The following CACNA1S variants were observed in gnomAD, a reference collection of about 807,000 sequenced individuals.
The protein encoded by CACNA1S is voltage-dependent L-type calcium channel subunit alpha-1S.
In CACNA1S, 126 loss-of-function variants were observed where a neutral mutation model predicts 207.4. The observed-to-expected ratio is 0.61, with a 90% CI of 0.53 to 0.70. The LOEUF (loss-of-function observed/expected upper bound fraction) is 0.70. Ranked by LOEUF, CACNA1S falls within the 30% of genes least tolerant of loss-of-function variation. The probability of loss-of-function intolerance (pLI) is 0.00; values close to 1 mark genes in which losing one functional copy is unlikely to be tolerated. For synonymous variants in CACNA1S, 960 were observed against 932.7 expected (o/e 1.03, Z -0.53); for missense variants, 2,349 against 2,422.8 (o/e 0.97, Z 0.64).
Position 201,061,462 on chromosome 1 carries a change from C to T in CACNA1S, c.3060G>A (p.Leu1020=). 1.2e-6 allele frequency: 2 copies of T among 1,613,848 alleles called. No individual in the cohort carries two copies. Among genetic ancestry groups the T allele is most frequent in the Non-Finnish European group, 1.7e-6 (2 of 1,179,750 alleles). ...CCGCATTGGAGTCTATGGCCTTGTACAGCAGCCTGGGGGTGGGCAGAGAAG... is the reference window on the plus strand; with the variant it reads ...CCGCATTGGAGTCTATGGCCTTGTATAGCAGCCTGGGGGTGGGCAGAGAAG... ...VSTFEGWPQL[L]YKAIDSNAED... is the part of the protein sequence containing the mutation. Residue 1020 remains leucine (L), a synonymous_variant, in exon 25 of 44, where the codon CTG becomes CTA. Transcript: ENST00000362061.
Position 201,109,449 on chromosome 1 carries a change from C to T in CACNA1S, c.258+715G>A, listed in dbSNP as rs1447926769. On this transcript the variant is annotated intron_variant, in intron 2 of 43. Transcript: ENST00000362061. ...TAATACAATAATGTAAAATATTTAG[C>T]ACAAATCCTGGCATTTAATAAGCAC... 2.0e-5 allele frequency among the ~76,000 whole-genome samples: 3 copies of T among 152,134 alleles called. No individual in the cohort carries two copies. The East Asian group carries it at 5.8e-4, about 29-fold the overall frequency.
At chr1:201,051,213 T>C (rs1268492016) in intron 32 of CACNA1S, 70 bp from the exon 33 acceptor site, 1 of 1,559,338 alleles carries the variant, frequency 6.4e-7, no homozygotes, top group Non-Finnish European at 8.8e-7. Flanking sequence ...GGCAGTCAGG[T>C]GGCAGCAGGG....
At chr1:201,074,681 G>A (rs1196756336) in intron 13 of CACNA1S, 61 bp from the exon 14 acceptor site, 1 of 1,074,862 alleles carries the variant, frequency 9.3e-7, no homozygotes, top group Non-Finnish European at 1.4e-6. Context: ...CAGGGCAGGA[G>A]TTCTGTCTGC....
intron 1 of CACNA1S, 146 bp downstream of exon 1, chr1:201,112,042 G>T: frequency 1.9e-6 from 1 of 529,568 alleles, no homozygotes. Context: ...CCTTCCCCCA[G>T]CTCCTCACTC....
Position 201,061,553 on chromosome 1 carries a change from TG to T in CACNA1S, c.3054-86del, listed in dbSNP as rs1661051433. The stretch of plus-strand genomic sequence containing the variant: ...CTGGGAAGGATGGGCTTTATCCCAC[TG>T]GCTGTGGAGAGCCAAGAGAGCCTTC... On this transcript the variant is annotated intron_variant, in intron 24 of 43. Transcript: ENST00000362061. 3.0e-6 allele frequency: 4 copies of T among 1,326,560 alleles called. No homozygotes were observed. In the South Asian group the frequency reaches 5.2e-5, roughly 17 times the overall value. 82.2% of individuals were successfully genotyped at this position (1,326,560 alleles called of 1,614,324 possible).
In CACNA1S at chr1:201,075,553, C is replaced by T. The variant is rs141717649; in HGVS notation, c.1890G>A (p.Pro630=). 5.2e-4 allele frequency: 833 copies of T among 1,613,784 alleles called. 1 individual carries two copies. The highest frequency in any genetic ancestry group is 6.7e-4 in the Non-Finnish European group (794 of 1,180,002). The change falls in exon 13 of 44, where the codon CCG becomes CCA. Residue 630 remains proline (P), a synonymous_variant. Transcript: ENST00000362061. ...TGCACACAAGCATGCCAGGGTAGGA[C>T]GGCCCGCCGTAGGCCATGATCCCAT... ...MYNGIMAYGG[P]SYPGMLVCIY... is the part of the protein sequence containing the mutation.
chr1:201,062,327 TC>T, intron 23 of CACNA1S, 134 bp downstream of exon 23: 1 of 1,007,062 alleles, frequency 9.9e-7, no homozygotes, highest in Non-Finnish European at 1.6e-6. Flanking sequence ...CAACACACAG[TC>T]CCCTGCCCTG....
At chr1:201,083,365 C>T (rs1572055280) in intron 9 of CACNA1S, 43 bp from the exon 10 acceptor site, 1 of 1,604,428 alleles carries the variant, frequency 6.2e-7, no homozygotes. Context: ...CTGTGCTGTT[C>T]TACGCCCCAC....
rs111428237 is a variant in CACNA1S at position 201,108,863 on chromosome 1, C to T, written c.258+1301G>A. ...GAAAAGGTGGTTCCATTGTTCTGTC[C>T]CCTAGGGAGCCTGAGGCCACTGTTT... On this transcript the variant is annotated intron_variant, in intron 2 of 43. Transcript: ENST00000362061. Among the ~76,000 whole-genome samples, 792 of 152,226 alleles carry T rather than the reference C, an allele frequency of 5.2e-3. 3 individuals are homozygous for T. The highest frequency in any genetic ancestry group is 0.018 in the African/African-American group (763 of 41,534).
At position 201,053,585 on chromosome 1, in the gene CACNA1S, G is replaced by T; in HGVS notation, c.3669C>A (p.Asp1223Glu). Residue 1223 changes from aspartate (D) to glutamate (E), a missense_variant and splice_region_variant, in exon 30 of 44, where the codon GAC becomes GAA. Coordinates refer to ENST00000362061, the MANE Select transcript of CACNA1S (RefSeq NM_000069.3). This position sits in a 1 kb window ranked among gnomAD's most constrained non-coding sequence, Gnocchi z 5.1. ...YCLGGGCGNVDPDESARISSA... is the reference protein window; with the variant it reads ...YCLGGGCGNVEPDESARISSA... The stretch of plus-strand genomic sequence containing the variant: ...TGGAGATGCGGGCACTCTCATCTGG[G>T]TCCTGCGGGGCAGCAGCCCCAGAGG... The T allele has an allele frequency of 6.2e-7, 1 of 1,613,486 alleles. No homozygotes were observed. The highest frequency in any genetic ancestry group is 8.5e-7 in the Non-Finnish European group (1 of 1,179,838).
At position 201,043,468 on chromosome 1, in the gene CACNA1S, C is replaced by CG. The variant is rs761214441; in HGVS notation, c.4860dup (p.Val1621ArgfsTer12). On this transcript the variant is annotated frameshift_variant, in exon 40 of 44. Transcript: ENST00000362061. LOFTEE classifies it high-confidence loss of function. ...TGGAGGGGTCTCTGATTGGCCATGA[C>CG]GGGGGGCAGGGAGTTGGTCCTTTCC... is the stretch of plus-strand genomic sequence containing the variant. The CG allele has an allele frequency of 1.9e-6, 3 of 1,613,806 alleles. No individual in the cohort carries two copies. Among genetic ancestry groups the CG allele is most frequent in the East Asian group, 2.2e-5 (1 of 44,870 alleles).
At chr1:201,059,097 T>G (rs1660951196) in intron 27 of CACNA1S, 92 bp downstream of exon 27, 1 of 813,682 alleles carries the variant, frequency 1.2e-6, no homozygotes, top group African/African-American at 1.7e-5. Context: ...AAAGGAGCCC[T>G]GATAGGATGA....
At position 201,053,430 on chromosome 1, in the gene CACNA1S, A is replaced by G. The variant is rs954159824; in HGVS notation, c.3795+29T>C. ...GATGTCCCTAGTGGCCTCCCCAGGT[A>G]CGTGCAGTTTCCAGGGTCCCTGTTG... On this transcript the variant is annotated intron_variant, in intron 30 of 43. Transcript: ENST00000362061. The surrounding 1 kb of genome is among the most constrained non-coding windows in gnomAD (Gnocchi z 5.1). The G allele has an allele frequency of 1.2e-6, 2 of 1,613,972 alleles. No individual in the cohort carries two copies. Among genetic ancestry groups the G allele is most frequent in the Admixed American group, 1.7e-5 (1 of 60,012 alleles).
At chr1:201,074,769 G>T in intron 13 of CACNA1S, 149 bp from the exon 14 acceptor site, 3 of 707,642 alleles carry the variant, frequency 4.2e-6, no homozygotes, top group Non-Finnish European at 7.8e-6. Context: ...ATAGTGGAAG[G>T]CCCTCAGGGA....
Position 201,083,239 on chromosome 1 carries a change from A to G in CACNA1S, c.1316T>C (p.Ile439Thr). The G allele has an allele frequency of 6.2e-7, 1 of 1,614,214 alleles. No homozygotes were observed. The highest frequency in any genetic ancestry group is 8.5e-7 in the Non-Finnish European group (1 of 1,180,028). ...VKSKVFYWLV[I>T]LIVALNTLSI... Reference sequence around the variant, plus strand: ...CAGGGTGTTGAGGGCAACGATGAGAATCACCAGCCAATAGAAGACCTTGGA... The same window carrying G: ...CAGGGTGTTGAGGGCAACGATGAGAGTCACCAGCCAATAGAAGACCTTGGA... Residue 439 changes from isoleucine to threonine, a missense_variant, in exon 10 of 44, where the codon ATT (isoleucine) becomes ACT (threonine). Transcript: ENST00000362061.
At chr1:201,069,821 C>A (rs1661389017) in intron 17 of CACNA1S, among the ~76,000 whole-genome samples, 1 of 151,552 alleles carries the variant, frequency 6.6e-6, no homozygotes, top group Non-Finnish European at 1.5e-5. Flanking sequence ...CCCAGCCAAG[C>A]CCCTCCCACC....
At chr1:201,081,156 C>T (rs734881) in intron 10 of CACNA1S, among the ~76,000 whole-genome samples, 46,001 of 151,992 alleles carry the variant, frequency 0.3, 8,258 homozygotes, top group Non-Finnish European at 0.42. Flanking sequence ...GTTCCCACCT[C>T]ATGCAGGTCC....
Position 201,060,741 on chromosome 1 carries a change from C to A in CACNA1S, c.3331G>T (p.Val1111Leu). The A allele has an allele frequency of 6.2e-7, 1 of 1,614,110 alleles. No individual in the cohort carries two copies. Among genetic ancestry groups the A allele is most frequent in the African/African-American group, 1.3e-5 (1 of 75,052 alleles). ...TAGGAGGAGGTGACAATGTACCACA[C>A]CTGGTACTGGTATGGGTTTTTGGGA... The part of the protein sequence containing the change: ...YIPKNPYQYQ[V>L]WYIVTSSYFE... The change falls in exon 26 of 44, where the codon GTG (valine) becomes TTG (leucine). Residue 1111 changes from valine to leucine, a missense_variant. Transcript: ENST00000362061.
At chr1:201,106,569 G>A (rs1572075476) in intron 2 of CACNA1S, among the ~76,000 whole-genome samples, 1 of 152,196 alleles carries the variant, frequency 6.6e-6, no homozygotes, top group South Asian at 2.1e-4. Context: ...TGCTGATGAA[G>A]GTACTAAATA....
Sources: allele counts gnomAD v4.1 joint callset (sites outside exome capture counted in the v4.1 genomes callset), GRCh38; gene constraint gnomAD v4.1.1; non-coding constraint Gnocchi (gnomAD v3.1); transcripts MANE v1.5; gene names NCBI Gene and HGNC (gene_info 2026-07-23, HGNC 2026-07-21).